Variants in ANKRD30B observed in about 807,000 individuals in gnomAD.
ANKRD30B encodes the protein ankyrin repeat domain-containing protein 30B.
In ANKRD30B, 144 loss-of-function variants were observed where a neutral mutation model predicts 202.2. The observed-to-expected ratio is 0.71, with a 90% confidence interval of 0.62 to 0.82. ANKRD30B has a LOEUF of 0.82. Among genes scored for constraint, ANKRD30B ranks in the 40% least tolerant of loss-of-function variants. The pLI is 0.00. For synonymous variants in ANKRD30B, 508 were observed against 561.3 expected (o/e 0.91, Z 1.34); for missense variants, 1,487 against 1,669.1 (o/e 0.89, Z 1.90).
Position 14,810,109 on chromosome 18 carries a change from C to T in ANKRD30B, c.2417C>T (p.Pro806Leu), listed in dbSNP as rs530132685. ...ESPDKDGLLKPTCVRKVSLPN... is the reference protein window; with the variant it reads ...ESPDKDGLLKLTCVRKVSLPN... ...TTTTGTGTTTCCAAACCCATTTAGC[C>T]TACCTGTGTAAGGAAAGTTTCTCTT... The change falls in exon 28 of 44, where the codon CCT becomes CTT. Residue 806 changes from proline (P) to leucine (L), a missense_variant and splice_region_variant. By Grantham distance (98) the Pro-to-Leu change is moderately conservative. Around this residue, in one of 6 missense-constraint regions of ANKRD30B, gnomAD observed 218 missense variants for 320.1 expected, o/e 0.68. Coordinates refer to ENST00000690538, the MANE Select transcript of ANKRD30B (RefSeq NM_001367607.2). The T allele has an allele frequency of 2.7e-6, 4 of 1,497,008 alleles. 1 individual carries two copies. In the African/African-American group the frequency reaches 4.2e-5, roughly 16 times the overall value. 92.7% of individuals were successfully genotyped at this position (1,497,008 alleles called of 1,614,324 possible).
At chr18:14,781,439 C>A (rs1233718438) in intron 11 of ANKRD30B, among the ~76,000 whole-genome samples, 1 of 125,896 alleles carries the variant, frequency 7.9e-6, no homozygotes, top group African/African-American at 2.9e-5. Flanking sequence ...GGACTACAGG[C>A]GCCCGCCACC....
At chr18:14,816,746 G>C (rs2144087631) in intron 30 of ANKRD30B, 1 of 151,804 alleles carries the variant, frequency 6.6e-6, no homozygotes, top group South Asian at 2.1e-4. Flanking sequence ...GATTAAGAAA[G>C]TATGGCACAT....
At chr18:14,827,025 C>T (rs532379329) in intron 32 of ANKRD30B, among the ~76,000 whole-genome samples, 1 of 152,046 alleles carries the variant, frequency 6.6e-6, no homozygotes, top group Non-Finnish European at 1.5e-5. Flanking sequence ...GATATAATGC[C>T]TATGTGATGA....
intron 28 of ANKRD30B, among the ~76,000 whole-genome samples, chr18:14,811,307 C>G (rs9676240): frequency 0.088 from 12,340 of 140,494 alleles, 873 homozygotes; most frequent in African/African-American, 0.19. Context: ...CACCTCCCGG[C>G]TTCACGCCAT....
At chr18:14,939,234 T>C in the ANKRD30B span, among the ~76,000 whole-genome samples, 1 of 152,154 alleles carries the variant, frequency 6.6e-6, no homozygotes, top group Admixed American at 6.5e-5. Context: ...ACAGGGGCAG[T>C]AAGGTCATCA....
chr18:14,774,846 G>T (rs909713403), intron 9 of ANKRD30B, among the ~76,000 whole-genome samples: 1 of 151,852 alleles, frequency 6.6e-6, no homozygotes, highest in African/African-American at 2.4e-5. Flanking sequence ...AAAATCTAAG[G>T]GCCAGGTGTG....
chr18:14,933,235 G>A, the ANKRD30B span, among the ~76,000 whole-genome samples: 3 of 152,304 alleles, frequency 2.0e-5, no homozygotes, highest in African/African-American at 7.2e-5. Flanking sequence ...TCCTCTGCAT[G>A]CAGGGTCCAG....
At chr18:14,764,609 C>G (rs1915806572) in intron 7 of ANKRD30B, among the ~76,000 whole-genome samples, 1 of 151,762 alleles carries the variant, frequency 6.6e-6, no homozygotes, top group African/African-American at 2.4e-5. Context: ...TGGCCAAACT[C>G]CAACTCCTGA....
chr18:14,935,331 A>T, the ANKRD30B span, among the ~76,000 whole-genome samples: 2 of 152,172 alleles, frequency 1.3e-5, no homozygotes, highest in Non-Finnish European at 2.9e-5. Context: ...TTCACAACCA[A>T]GTTAACCTGG....
chr18:14,810,309 A>C (rs1319126886), intron 28 of ANKRD30B, 129 bp downstream of exon 28: 26 of 597,450 alleles, frequency 4.4e-5, no homozygotes, highest in Middle Eastern at 5.3e-4. Flanking sequence ...CAAATAATGC[A>C]AATGTTAGTA....
chr18:14,811,028 T>C (rs952377635), intron 28 of ANKRD30B, among the ~76,000 whole-genome samples: 2 of 150,860 alleles, frequency 1.3e-5, no homozygotes, highest in Non-Finnish European at 3.0e-5. Context: ...GGCAGGAGAA[T>C]TGCTTGAACC....
chr18:14,911,120 TTTAA>T, the ANKRD30B span, among the ~76,000 whole-genome samples: 2 of 152,284 alleles, frequency 1.3e-5, no homozygotes, highest in East Asian at 3.9e-4. Context: ...AGCTTTTTAG[TTTAA>T]TTAAGTTTCA....
chr18:14,872,809 T>A, the ANKRD30B span, among the ~76,000 whole-genome samples: 1 of 152,122 alleles, frequency 6.6e-6, no homozygotes, highest in Non-Finnish European at 1.5e-5. Context: ...ACAACTGGCA[T>A]GTTAGCCACA....
chr18:14,829,521 G>A (rs903223428), intron 33 of ANKRD30B, among the ~76,000 whole-genome samples: 10 of 152,160 alleles, frequency 6.6e-5, no homozygotes, highest in African/African-American at 2.4e-4. Flanking sequence ...CAAGTTTGAA[G>A]AGAAACAATC....
chr18:14,780,299 G>T (rs1434782452), intron 11 of ANKRD30B, among the ~76,000 whole-genome samples: 2 of 152,074 alleles, frequency 1.3e-5, no homozygotes, highest in African/African-American at 4.8e-5. Flanking sequence ...TACAAAATTA[G>T]TTGGATGTGG....
chr18:14,834,040 G>C (rs1309479652), intron 34 of ANKRD30B, among the ~76,000 whole-genome samples: 1 of 151,822 alleles, frequency 6.6e-6, no homozygotes, highest in African/African-American at 2.4e-5. Context: ...TTTTTTCTCT[G>C]TTTCTTGGAA....
intron 6 of ANKRD30B, among the ~76,000 whole-genome samples, chr18:14,761,731 T>G (rs1348229998): frequency 6.6e-6 from 1 of 152,222 alleles, no homozygotes. Context: ...TATTTATTTA[T>G]TGTAGAGACA....
chr18:14,748,343 G>A lies in ANKRD30B; in HGVS notation c.-77G>A, dbSNP rs1477114563. 39 of 1,268,300 alleles carry A rather than the reference G, an allele frequency of 3.1e-5. No homozygotes were observed. Among genetic ancestry groups the A allele is most frequent in the South Asian group, 5.1e-5 (3 of 58,710 alleles). The allele number at this position is 1,268,300 out of a possible 1,614,324, so 78.6% of individuals were successfully genotyped here. A position where few individuals can be genotyped will look rare whatever the true frequency, so the allele number is the denominator to read the frequency against. Reference sequence around the variant, plus strand: ...GGCGGGTGCTGGGGAAGGGTAAGCGGGAAGCGAGGGCGAGGGGTAGGGGCT... The same window carrying A: ...GGCGGGTGCTGGGGAAGGGTAAGCGAGAAGCGAGGGCGAGGGGTAGGGGCT... On this transcript the variant is annotated 5_prime_UTR_variant, in exon 1 of 44. Transcript: ENST00000690538.
At chr18:14,844,305 T>C (rs1291373229) in intron 39 of ANKRD30B, among the ~76,000 whole-genome samples, 1 of 152,216 alleles carries the variant, frequency 6.6e-6, no homozygotes, top group African/African-American at 2.4e-5. Context: ...AACTAAAATA[T>C]TTCAAGTATC....
Sources: allele counts gnomAD v4.1 joint callset (sites outside exome capture counted in the v4.1 genomes callset), GRCh38; gene constraint gnomAD v4.1.1; regional missense constraint gnomAD v4.1.1; transcripts MANE v1.5; gene names NCBI Gene and HGNC (gene_info 2026-07-23, HGNC 2026-07-21).